Variants in DOCK2 observed in about 807,000 individuals in gnomAD.
DOCK2 encodes the protein dedicator of cytokinesis protein 2.
In DOCK2, 87 loss-of-function variants were observed where a neutral mutation model predicts 248.9. That is an observed-to-expected ratio of 0.35 (90% CI 0.29 to 0.42). The LOEUF (loss-of-function observed/expected upper bound fraction) is 0.42, where lower values mean the gene tolerates loss of function less well. Among genes scored for constraint, DOCK2 ranks in the 10% least tolerant of loss-of-function variants. The pLI, the probability that DOCK2 is intolerant of heterozygous loss-of-function variation, is 1.00. For missense variants in DOCK2, 1,747 were observed against 2,300.2 expected (o/e 0.76, Z 4.92); for synonymous variants, 805 against 821.6 (o/e 0.98, Z 0.35).
chr5:169,722,891 C>G (rs192784127), intron 22 of DOCK2, among the ~76,000 whole-genome samples: 110 of 152,302 alleles, frequency 7.2e-4, no homozygotes, highest in African/African-American at 2.0e-3. Flanking sequence ...GCAGGGATAA[C>G]TTTTACCAGG....
intron 40 of DOCK2, among the ~76,000 whole-genome samples, chr5:170,049,793 T>G (rs978510280): frequency 6.6e-6 from 1 of 152,136 alleles, no homozygotes; most frequent in Admixed American, 6.5e-5. Flanking sequence ...TATAAAAGAC[T>G]AACATGGTCA....
intron 25 of DOCK2, among the ~76,000 whole-genome samples, chr5:169,781,935 T>A (rs188348550): frequency 5.9e-5 from 9 of 152,208 alleles, no homozygotes; most frequent in African/African-American, 1.7e-4. Flanking sequence ...AACCCCCGTC[T>A]GCAGCAGGAT....
chr5:169,815,015 C>G (rs1273228719), intron 26 of DOCK2, among the ~76,000 whole-genome samples: 1 of 152,132 alleles, frequency 6.6e-6, no homozygotes, highest in East Asian at 1.9e-4. Context: ...ATGCCATAAC[C>G]CAGGACTAGG....
chr5:169,727,540 C>T (rs1762547292), intron 22 of DOCK2, among the ~76,000 whole-genome samples: 1 of 152,112 alleles, frequency 6.6e-6, no homozygotes, highest in African/African-American at 2.4e-5. Flanking sequence ...AATGTCAGAC[C>T]CAGCAGCTTG....
rs1178926733 is a variant in DOCK2, at chr5:170,080,286, A to G, written c.5287+3A>G. 6.2e-7 allele frequency: 1 copy of G among 1,614,110 alleles called. No homozygotes were observed. Among genetic ancestry groups the G allele is most frequent in the East Asian group, 2.2e-5 (1 of 44,882 alleles). ...CCAGTCCATGCCTACCATCCCAGGT[A>G]TGCCCCCTGCTGCCACCAGCATGAG... On this transcript the variant is annotated splice_donor_region_variant and intron_variant, in intron 50 of 51. Coordinates refer to ENST00000520908, the MANE Select transcript of DOCK2 (RefSeq NM_004946.3).
intron 49 of DOCK2, 64 bp downstream of exon 49, chr5:170,079,210 C>T (rs1387785096): frequency 1.3e-6 from 2 of 1,557,400 alleles, no homozygotes; most frequent in Non-Finnish European, 1.7e-6. Flanking sequence ...ATGCTGGGCA[C>T]AAAACCCAGG....
At chr5:169,816,567 C>T (rs899325141) in intron 26 of DOCK2, among the ~76,000 whole-genome samples, 3 of 152,228 alleles carry the variant, frequency 2.0e-5, no homozygotes, top group Admixed American at 6.5e-5. Flanking sequence ...CTGCAGTTTA[C>T]ATTCTAGCAC....
intron 27 of DOCK2, among the ~76,000 whole-genome samples, chr5:169,854,248 T>C (rs1770779221): frequency 6.6e-6 from 1 of 151,684 alleles, no homozygotes; most frequent in Non-Finnish European, 1.5e-5. Context: ...TGCAGTGGCA[T>C]GATCTCAGTT....
intron 26 of DOCK2, among the ~76,000 whole-genome samples, chr5:169,823,760 T>G (rs962930827): frequency 4.6e-5 from 7 of 152,172 alleles, no homozygotes; most frequent in Non-Finnish European, 8.8e-5. Context: ...AGTGTTGGAA[T>G]TTCTGGCCAG....
intron 25 of DOCK2, among the ~76,000 whole-genome samples, chr5:169,784,101 C>T (rs1204629312): frequency 1.3e-5 from 2 of 148,680 alleles, no homozygotes; most frequent in Admixed American, 7.0e-5. Context: ...TTCTGTTGTG[C>T]GTGGATTGTG....
intron 26 of DOCK2, among the ~76,000 whole-genome samples, chr5:169,803,683 G>A (rs1767136982): frequency 6.6e-6 from 1 of 152,216 alleles, no homozygotes; most frequent in Admixed American, 6.5e-5. Flanking sequence ...GAGATAGGGT[G>A]TGGAGTAGGA....
At chr5:169,640,998 C>CT (rs1468901135) in intron 1 of DOCK2, among the ~76,000 whole-genome samples, 3 of 152,216 alleles carry the variant, frequency 2.0e-5, no homozygotes, top group Non-Finnish European at 4.4e-5. Flanking sequence ...TTCCAGGTGT[C>CT]TCCCCCAGCT....
intron 26 of DOCK2, among the ~76,000 whole-genome samples, chr5:169,836,596 G>A (rs535729602): frequency 5.3e-5 from 8 of 152,238 alleles, no homozygotes; most frequent in Admixed American, 5.2e-4. Flanking sequence ...TTATTTCCAA[G>A]TTTTGGAGCT....
chr5:169,698,948 C>T (rs1760797317), intron 11 of DOCK2, among the ~76,000 whole-genome samples: 2 of 152,182 alleles, frequency 1.3e-5, no homozygotes, highest in South Asian at 4.1e-4. Flanking sequence ...GTCCTCTCCT[C>T]TCCTGTTCCA....
intron 27 of DOCK2, among the ~76,000 whole-genome samples, chr5:169,846,558 A>T (rs1770317823): frequency 6.6e-6 from 1 of 152,030 alleles, no homozygotes; most frequent in South Asian, 2.1e-4. Flanking sequence ...TTGTGGTGAG[A>T]AAGGGAGCAT....
At chr5:169,813,645 C>T (rs1323872372) in intron 26 of DOCK2, among the ~76,000 whole-genome samples, 2 of 152,170 alleles carry the variant, frequency 1.3e-5, no homozygotes, top group African/African-American at 4.8e-5. Flanking sequence ...TTGGCAAAGC[C>T]AGTATGCTCC....
intron 1 of DOCK2, among the ~76,000 whole-genome samples, chr5:169,641,552 T>C (rs1048447722): frequency 6.6e-6 from 1 of 152,166 alleles, no homozygotes; most frequent in African/African-American, 2.4e-5. Flanking sequence ...TGTGTATCTG[T>C]GGGAGAGCAG....
intron 14 of DOCK2, among the ~76,000 whole-genome samples, chr5:169,705,265 G>A (rs1761201911): frequency 6.6e-6 from 1 of 152,200 alleles, no homozygotes; most frequent in African/African-American, 2.4e-5. Flanking sequence ...ACCAAGTGCA[G>A]GGTGAAGCCC....
In DOCK2 at chr5:169,699,423, A is replaced by G; in HGVS notation, c.1097A>G (p.Lys366Arg). ...ENDFLHSLLGKVIASKGDSGG... is the reference protein window; with the variant it reads ...ENDFLHSLLGRVIASKGDSGG... ...GACTTCCTACACAGCCTGCTGGGCA[A>G]AGTCATAGCCTCCAAGGGGGACAGT... The change falls in exon 12 of 52, where the codon AAA (lysine) becomes AGA (arginine). Residue 366 changes from lysine (K) to arginine (R), a missense_variant. Coordinates refer to ENST00000520908, the MANE Select transcript of DOCK2 (RefSeq NM_004946.3). The G allele has an allele frequency of 6.2e-7, 1 of 1,613,456 alleles. No individual in the cohort carries two copies. The highest frequency in any genetic ancestry group is 2.2e-5 in the East Asian group (1 of 44,832).
Sources: gnomAD v4.1 joint callset for allele counts (sites outside exome capture counted in the v4.1 genomes callset) on GRCh38, gnomAD v4.1.1 for gene constraint, MANE v1.5 for transcripts, NCBI Gene and HGNC (gene_info 2026-07-23, HGNC 2026-07-21) for gene names.